The following RSPRY1 variants were observed in gnomAD, a reference collection of about 807,000 sequenced individuals.
RSPRY1 encodes the protein ring finger and SPRY domain containing 1.
RSPRY1 carries 23 observed loss-of-function variants against 73.1 expected under a neutral mutation model. That is an observed-to-expected ratio of 0.31 (90% confidence interval 0.23 to 0.45). The LOEUF (loss-of-function observed/expected upper bound fraction) is 0.45. Ranked by LOEUF, RSPRY1 falls within the 20% of genes least tolerant of loss-of-function variation. RSPRY1 has a pLI of 1.00. For missense variants in RSPRY1, 448 were observed against 698.7 expected (o/e 0.64, Z 4.05); for synonymous variants, 226 against 251.4 (o/e 0.90, Z 0.95).
Position 57,240,141 on chromosome 16 carries a change from CA to C in RSPRY1, c.*1167del, listed in dbSNP as rs2075356434. Reference sequence around the variant, plus strand: ...CCTTTCAATTTATGCCAAGTCCTTACAGAGTTTATACTTGAATAGTAAATAT... The same window carrying C: ...CCTTTCAATTTATGCCAAGTCCTTACGAGTTTATACTTGAATAGTAAATAT... On this transcript the variant is annotated 3_prime_UTR_variant, in exon 15 of 15. Transcript: ENST00000394420. The C allele has an allele frequency of 6.6e-6, 1 of 152,130 alleles. No individual in the cohort carries two copies. The highest frequency in any genetic ancestry group is 2.4e-5 in the African/African-American group (1 of 41,414). 9.4% of individuals were successfully genotyped at this position (152,130 alleles called of 1,614,324 possible). A position where few individuals can be genotyped will look rare whatever the true frequency, so the allele number is the denominator to read the frequency against.
chr16:57,189,504 T>TAA (rs750796926), intron 1 of RSPRY1, among the ~76,000 whole-genome samples: 11 of 137,998 alleles, frequency 8.0e-5, no homozygotes, highest in African/African-American at 2.6e-4. Flanking sequence ...GCCTGGAGGC[T>TAA]AAAAAAAAAA....
intron 1 of RSPRY1, among the ~76,000 whole-genome samples, chr16:57,201,911 A>C (rs1597871152): frequency 1.3e-5 from 2 of 152,360 alleles, no homozygotes; most frequent in African/African-American, 4.8e-5. Flanking sequence ...TGGCAGCAGT[A>C]CAGTCCAGCT....
chr16:57,234,817 GCTGGTAACATAAAAAGAGCA>G (rs1409222117), intron 13 of RSPRY1, among the ~76,000 whole-genome samples: 1 of 152,184 alleles, frequency 6.6e-6, no homozygotes, highest in African/African-American at 2.4e-5. Context: ...GTTGAAATTT[GCTGGTAACATAAAAAGAGCA>G]CTGGACTTAG....
intron 1 of RSPRY1, among the ~76,000 whole-genome samples, chr16:57,201,584 CA>C (rs2074608474): frequency 6.6e-6 from 1 of 152,260 alleles, no homozygotes; most frequent in African/African-American, 2.4e-5. Context: ...GCAATCTCGG[CA>C]CTTTGGGGGG....
intron 10 of RSPRY1, among the ~76,000 whole-genome samples, chr16:57,226,495 G>A (rs2075123635): frequency 6.6e-6 from 1 of 152,166 alleles, no homozygotes; most frequent in Non-Finnish European, 1.5e-5. Context: ...TCTGGGAAAG[G>A]GACAGGCAAT....
upstream of RSPRY1, chr16:57,186,189 T>G (rs1402124460): frequency 1.0e-6 from 1 of 985,338 alleles, no homozygotes; most frequent in Non-Finnish European, 1.2e-6. Context: ...AGTCTGCGCC[T>G]GGAGGGCGGG....
intron 10 of RSPRY1, among the ~76,000 whole-genome samples, chr16:57,222,760 T>C (rs2146331221): frequency 6.6e-6 from 1 of 152,288 alleles, no homozygotes; most frequent in Middle Eastern, 3.4e-3. Flanking sequence ...AAGTGAAAAA[T>C]TGTTCTAGAA....
intron 1 of RSPRY1, among the ~76,000 whole-genome samples, chr16:57,197,659 GAAA>G (rs2074474832): frequency 6.6e-6 from 1 of 152,024 alleles, no homozygotes; most frequent in African/African-American, 2.4e-5. Flanking sequence ...GTTCAATTTG[GAAA>G]AAAACTTAAT....
chr16:57,189,777 G>C (rs1016120780), intron 1 of RSPRY1, among the ~76,000 whole-genome samples: 3 of 151,312 alleles, frequency 2.0e-5, no homozygotes, highest in Non-Finnish European at 4.4e-5. Context: ...CTTTTTTTAA[G>C]ACAGGGTTAC....
chr16:57,231,285 T>C lies in RSPRY1; in HGVS notation c.1495T>C (p.Phe499Leu). 1.2e-6 allele frequency: 2 copies of C among 1,613,536 alleles called. No individual in the cohort carries two copies. The highest frequency in any genetic ancestry group is 1.7e-6 in the Non-Finnish European group (2 of 1,179,832). The change falls in exon 13 of 15, where the codon TTC becomes CTC. Residue 499 changes from phenylalanine (F) to leucine (L), a missense_variant. By Grantham distance (22) the Phe-to-Leu change is conservative. Coordinates refer to ENST00000394420, the MANE Select transcript of RSPRY1 (RefSeq NM_133368.3). ...ATTTAGCACTTTTAATGACTACGCCTTCCTAACAGCTGAAGAAAAAATCAT... is the reference window on the plus strand; with the variant it reads ...ATTTAGCACTTTTAATGACTACGCCCTCCTAACAGCTGAAGAAAAAATCAT... ...MKFSTFNDYA[F>L]LTAEEKIILP...
intron 6 of RSPRY1, among the ~76,000 whole-genome samples, chr16:57,214,371 G>GGAATAT (rs2074900800): frequency 6.6e-6 from 1 of 152,164 alleles, no homozygotes. Flanking sequence ...TCTTAAAACT[G>GGAATAT]TTGTCACTGG....
In RSPRY1 at chr16:57,204,543, T is replaced by C; in HGVS notation, c.-116T>C. 4.7e-6 allele frequency: 4 copies of C among 848,932 alleles called. No homozygotes were observed. Among genetic ancestry groups the C allele is most frequent in the East Asian group, 4.9e-5 (2 of 41,212 alleles). The allele number at this position is 848,932 out of a possible 1,614,324, so 52.6% of individuals were successfully genotyped here. A position where few individuals can be genotyped will look rare whatever the true frequency, so the allele number is the denominator to read the frequency against. On this transcript the variant is annotated 5_prime_UTR_variant, in exon 2 of 15. It removes an upstream start codon present in the reference 5' UTR. Coordinates refer to ENST00000394420, the MANE Select transcript of RSPRY1 (RefSeq NM_133368.3). ...GTCCAGAATCCCCTGTAGTTGATAA[T>C]GTTGGGAATAAGCTCTGCAACTTTC...
In RSPRY1 at chr16:57,198,923, T is replaced by C. The variant is rs1254245180; in HGVS notation, c.-155-5581T>C. ...GACCCTTACCACTGTGAGGAAGGAGTTTGGAGTTAGCACTTCCCCAGGGGA... is the reference window on the plus strand; with the variant it reads ...GACCCTTACCACTGTGAGGAAGGAGCTTGGAGTTAGCACTTCCCCAGGGGA... On this transcript the variant is annotated intron_variant, in intron 1 of 14. Coordinates refer to ENST00000394420, the MANE Select transcript of RSPRY1 (RefSeq NM_133368.3). 1.3e-5 allele frequency among the ~76,000 whole-genome samples: 2 copies of C among 152,114 alleles called. 1 individual carries two copies.
intron 8 of RSPRY1, among the ~76,000 whole-genome samples, chr16:57,218,516 A>G (rs1460325080): frequency 6.7e-6 from 1 of 148,748 alleles, no homozygotes. Flanking sequence ...TCTGGTAACC[A>G]TCCTTCTATT....
Position 57,213,888 on chromosome 16 carries a change from G to A in RSPRY1, c.644G>A (p.Gly215Asp). 6.3e-7 allele frequency: 1 copy of A among 1,596,618 alleles called. No individual in the cohort carries two copies. Among genetic ancestry groups the A allele is most frequent in the Non-Finnish European group, 8.6e-7 (1 of 1,164,070 alleles). Residue 215 changes from glycine (G) to aspartate (D), a missense_variant and splice_region_variant, in exon 6 of 15, where the codon GGT becomes GAT. Transcript: ENST00000394420. ...TCAAGTGTTTGTTGTATTTGTCTAGGTCCTGCAAGTATAGGTTTACTTAGC... is the reference window on the plus strand; with the variant it reads ...TCAAGTGTTTGTTGTATTTGTCTAGATCCTGCAAGTATAGGTTTACTTAGC... Reference protein sequence around the residue: ...VLGCLAEKLAGPASIGLLSPG... With the variant: ...VLGCLAEKLADPASIGLLSPG...
intron 5 of RSPRY1, 60 bp downstream of exon 5, chr16:57,213,158 T>C: frequency 6.6e-7 from 1 of 1,511,032 alleles, no homozygotes; most frequent in Non-Finnish European, 9.0e-7. Context: ...AAGGGAAATT[T>C]GTACTGTATG....
At chr16:57,203,647 T>C (rs2074668307) in intron 1 of RSPRY1, among the ~76,000 whole-genome samples, 1 of 152,228 alleles carries the variant, frequency 6.6e-6, no homozygotes, top group Non-Finnish European at 1.5e-5. Flanking sequence ...TAAACATACT[T>C]TGTGGGATGA....
At chr16:57,237,866 C>T (rs1438534569) in intron 14 of RSPRY1, among the ~76,000 whole-genome samples, 1 of 152,112 alleles carries the variant, frequency 6.6e-6, no homozygotes, top group Non-Finnish European at 1.5e-5. Context: ...GTGCCCGCCA[C>T]CATGCCCAGC....
intron 1 of RSPRY1, among the ~76,000 whole-genome samples, chr16:57,188,675 C>T (rs1171065391): frequency 2.0e-5 from 3 of 151,936 alleles, no homozygotes; most frequent in Non-Finnish European, 4.4e-5. Flanking sequence ...TACCACCACG[C>T]CCAGCTAATT....
Sources: gnomAD v4.1 joint callset for allele counts (sites outside exome capture counted in the v4.1 genomes callset) on GRCh38, gnomAD v4.1.1 for gene constraint, MANE v1.5 for transcripts, NCBI Gene and HGNC (gene_info 2026-07-23, HGNC 2026-07-21) for gene names.